ZNF77: variants seen among roughly 807,000 people sequenced by gnomAD.
The protein encoded by ZNF77 is zinc finger protein 77.
In ZNF77, 15 loss-of-function variants were observed where a neutral mutation model predicts 13.5. The observed-to-expected ratio is 1.11, with a 90% CI of 0.74 to 1.71. ZNF77 has a LOEUF of 1.71. ZNF77 is among the 40% of genes most tolerant of loss of function. The probability of loss-of-function intolerance (pLI) is 0.00; values close to 1 mark genes in which losing one functional copy is unlikely to be tolerated. For missense variants in ZNF77, 717 were observed against 676.4 expected (o/e 1.06, Z -0.67); for synonymous variants, 282 against 250.0 (o/e 1.13, Z -1.21).
At chr19:2,943,595 G>T (rs2088469551) in intron 1 of ZNF77, among the ~76,000 whole-genome samples, 1 of 149,206 alleles carries the variant, frequency 6.7e-6, no homozygotes. Context: ...CTTTTCTTGT[G>T]TATGAAAGTA....
chr19:2,938,217 T>G (rs2088414861), intron 2 of ZNF77, among the ~76,000 whole-genome samples: 1 of 152,144 alleles, frequency 6.6e-6, no homozygotes, highest in Non-Finnish European at 1.5e-5. Flanking sequence ...GCACCACCCA[T>G]TCCTGGAGAA....
intron 1 of ZNF77, among the ~76,000 whole-genome samples, chr19:2,943,072 G>A (rs1178884685): frequency 7.9e-5 from 12 of 151,976 alleles, no homozygotes; most frequent in Non-Finnish European, 1.6e-4. Context: ...ATGAGCCACC[G>A]CGCCAGGCCT....
intron 2 of ZNF77, among the ~76,000 whole-genome samples, 193 bp from the exon 3 acceptor site, chr19:2,936,897 G>C (rs916761876): frequency 6.6e-6 from 1 of 152,126 alleles, no homozygotes. Context: ...CAGATGAGCC[G>C]GGTGCAGTGG....
intron 1 of ZNF77, among the ~76,000 whole-genome samples, chr19:2,940,073 C>T (rs778185341): frequency 7.9e-5 from 12 of 151,984 alleles, no homozygotes; most frequent in Non-Finnish European, 1.6e-4. Context: ...AATATCAGCA[C>T]TTTGGGAGGC....
In ZNF77 at chr19:2,934,562, G is replaced by T. The variant is rs1042012362; in HGVS notation, c.565C>A (p.Pro189Thr). ...PPMKTQTVEK[P>T]CNCQDSRTAS... is the part of the protein sequence containing the mutation. ...GTCCTTGAGTCCTGGCAATTACAGG[G>T]TTTCTCTACAGTCTGCGTTTTCATA... Residue 189 changes from proline to threonine, a missense_variant, in exon 4 of 4, where the codon CCC (proline) becomes ACC (threonine). Pro to Thr is a conservative substitution (Grantham distance 38). Transcript: ENST00000314531. The T allele has an allele frequency of 6.2e-7, 1 of 1,614,066 alleles. No homozygotes were observed. Among genetic ancestry groups the T allele is most frequent in the Non-Finnish European group, 8.5e-7 (1 of 1,180,032 alleles).
intron 2 of ZNF77, among the ~76,000 whole-genome samples, chr19:2,937,727 C>G (rs1013514657): frequency 2.8e-5 from 4 of 144,406 alleles, no homozygotes; most frequent in African/African-American, 1.0e-4. Flanking sequence ...ACCTCCTCCT[C>G]CTCAGAGAAG....
rs1405549226 is a variant in ZNF77 at position 2,940,029 on chromosome 19, C to T, written c.4-622G>A. ...TCAGGTAACATGGAAATTGACATGA[C>T]TTGCTCAAATTTTATTATTTCTTAT... On this transcript the variant is annotated intron_variant, in intron 1 of 3. Transcript: ENST00000314531. Among the ~76,000 whole-genome samples the T allele has an allele frequency of 3.9e-5, 6 of 151,942 alleles. No homozygotes were observed. In the South Asian group the frequency reaches 6.2e-4, roughly 16 times the overall value.
Position 2,936,765 on chromosome 19 carries a change from A to G in ZNF77, c.131-61T>C. 3 of 1,473,560 alleles carry G rather than the reference A, an allele frequency of 2.0e-6. No homozygotes were observed. In the Admixed American group the frequency reaches 6.6e-5, roughly 33 times the overall value. 91.3% of individuals were successfully genotyped at this position (1,473,560 alleles called of 1,614,324 possible). On this transcript the variant is annotated intron_variant, in intron 2 of 3. Transcript: ENST00000314531. ...TATGTTGGGATAAAGGAAATAGACC[A>G]CATACGGATTTCTTTTCATATAGTA...
At position 2,933,571 on chromosome 19, in the gene ZNF77, G is replaced by T. The variant is rs375515320; in HGVS notation, c.1556C>A (p.Pro519Gln). The change falls in exon 4 of 4, where the codon CCG becomes CAG. Residue 519 changes from proline to glutamine, a missense_variant. Coordinates refer to ENST00000314531, the MANE Select transcript of ZNF77 (RefSeq NM_021217.3). ...TTTCCCACACTGCTTGCATTCATAC[G>T]GTCTCTCTCCAGTGTGCGTTCTCAC... ...VHVRTHTGERPYECKQCGKTF... is the reference protein window; with the variant it reads ...VHVRTHTGERQYECKQCGKTF... 6.2e-7 allele frequency: 1 copy of T among 1,613,070 alleles called. No homozygotes were observed. Among genetic ancestry groups the T allele is most frequent in the East Asian group, 2.2e-5 (1 of 44,836 alleles).
intron 1 of ZNF77, among the ~76,000 whole-genome samples, chr19:2,943,691 G>GGTTT (rs2088470294): frequency 2.4e-5 from 1 of 41,786 alleles, no homozygotes; most frequent in South Asian, 6.5e-4. Context: ...CTCTAGCCAG[G>GGTTT]ATTTTTTTTT....
chr19:2,938,975 A>AG (rs971357167), intron 2 of ZNF77, among the ~76,000 whole-genome samples: 10 of 151,876 alleles, frequency 6.6e-5, no homozygotes, highest in Non-Finnish European at 4.4e-5. Flanking sequence ...AAAAAAAAAA[A>AG]AAAGAAAACC....
At chr19:2,940,500 C>T (rs1371811113) in intron 1 of ZNF77, among the ~76,000 whole-genome samples, 2 of 151,818 alleles carry the variant, frequency 1.3e-5, no homozygotes, top group African/African-American at 4.8e-5. Context: ...TGGTGAAACC[C>T]CATCTCTACT....
chr19:2,939,095 GC>G (rs2144965921), intron 2 of ZNF77, among the ~76,000 whole-genome samples, 185 bp downstream of exon 2: 1 of 103,596 alleles, frequency 9.7e-6, no homozygotes, highest in Admixed American at 1.0e-4. Context: ...AGGGAATGAC[GC>G]CACCCTTACC....
At chr19:2,940,551 T>C (rs2088440263) in intron 1 of ZNF77, among the ~76,000 whole-genome samples, 1 of 151,980 alleles carries the variant, frequency 6.6e-6, no homozygotes, top group African/African-American at 2.4e-5. Flanking sequence ...CACACGCCTG[T>C]AGTCTCAGCT....
At chr19:2,936,396 G>T in intron 3 of ZNF77, 128 bp downstream of exon 3, 1 of 995,062 alleles carries the variant, frequency 1.0e-6, no homozygotes, top group South Asian at 1.9e-5. Context: ...TGATCCACCC[G>T]CCTCGGCCTC....
Position 2,944,834 on chromosome 19 carries a change from T to G in ZNF77, c.3+4A>C. 1 of 1,524,364 alleles carries G rather than the reference T, an allele frequency of 6.6e-7. No homozygotes were observed. Among genetic ancestry groups the G allele is most frequent in the African/African-American group, 1.4e-5 (1 of 71,390 alleles). 94.4% of individuals were successfully genotyped at this position (1,524,364 alleles called of 1,614,324 possible). A position where few individuals can be genotyped will look rare whatever the true frequency, so the allele number is the denominator to read the frequency against. Reference sequence around the variant, plus strand: ...CCCGGGCTCGGCTCCCGCCCGGCACTCACCATGTCCCGCCCGCTCCTGGGC... The same window carrying G: ...CCCGGGCTCGGCTCCCGCCCGGCACGCACCATGTCCCGCCCGCTCCTGGGC... On this transcript the variant is annotated splice_donor_region_variant and intron_variant, in intron 1 of 3. Coordinates refer to ENST00000314531, the MANE Select transcript of ZNF77 (RefSeq NM_021217.3).
At chr19:2,938,097 T>G (rs1189141240) in intron 2 of ZNF77, among the ~76,000 whole-genome samples, 1 of 152,046 alleles carries the variant, frequency 6.6e-6, no homozygotes, top group Non-Finnish European at 1.5e-5. Flanking sequence ...AACGGAACCT[T>G]CTTATCCAGA....
chr19:2,943,061 C>T (rs957953476), intron 1 of ZNF77, among the ~76,000 whole-genome samples: 2 of 152,060 alleles, frequency 1.3e-5, no homozygotes, highest in Non-Finnish European at 2.9e-5. Flanking sequence ...GGAGTACAGG[C>T]ATGAGCCACC....
intron 3 of ZNF77, 70 bp downstream of exon 3, chr19:2,936,454 T>C (rs1035302757): frequency 2.0e-6 from 3 of 1,489,310 alleles, no homozygotes; most frequent in South Asian, 2.8e-5. Flanking sequence ...CAGCCGATAC[T>C]TTTCTTTGAA....
Sources: gnomAD v4.1 joint callset for allele counts (sites outside exome capture counted in the v4.1 genomes callset) on GRCh38, gnomAD v4.1.1 for gene constraint, MANE v1.5 for transcripts, NCBI Gene and HGNC (gene_info 2026-07-23, HGNC 2026-07-21) for gene names.